Variants in RARB observed in about 807,000 individuals in gnomAD.
The protein encoded by RARB is HBV-activated protein.
In RARB, 17 loss-of-function variants were observed where a neutral mutation model predicts 51.9. The ratio of observed to expected loss-of-function variants is 0.33; its 90% CI spans 0.22 to 0.49. The LOEUF (loss-of-function observed/expected upper bound fraction) is 0.49, where lower values mean the gene tolerates loss of function less well. RARB is among the 20% of genes least tolerant of loss of function. RARB has a pLI of 0.99. For missense variants in RARB, 369 were observed against 550.8 expected, an observed-to-expected ratio of 0.67 and a Z score of 3.30; for synonymous variants, 215 against 195.4, an observed-to-expected ratio of 1.10 and a Z score of -0.84.
chr3:25,206,114 T>C (rs926771173), intron 5 of RARB, among the ~76,000 whole-genome samples: 1 of 152,208 alleles, frequency 6.6e-6, no homozygotes, highest in Admixed American at 6.5e-5. Flanking sequence ...AACCTCATCA[T>C]AAGTCAAGGA....
Position 25,454,327 on chromosome 3 carries a change from A to G in RARB, c.158-6866A>G, listed in dbSNP as rs545209576. Among the ~76,000 whole-genome samples the G allele has an allele frequency of 1.1e-3, 161 of 152,360 alleles. 1 individual carries two copies. The highest frequency in any genetic ancestry group is 0.01 in the Middle Eastern group (3 of 294). On this transcript the variant is annotated intron_variant, in intron 1 of 7. Coordinates refer to ENST00000330688, the MANE Select transcript of RARB (RefSeq NM_000965.5). ...CACAGAAAAAGGGAGAAAAAAATCC[A>G]GATAGGCTCTCTTTGGTGCCAACAC... is the stretch of plus-strand genomic sequence containing the variant.
intron 2 of RARB, among the ~76,000 whole-genome samples, chr3:24,907,096 C>T (rs1426067706): frequency 6.6e-6 from 1 of 152,062 alleles, no homozygotes; most frequent in African/African-American, 2.4e-5. Flanking sequence ...GGAGCACCCC[C>T]CATGTGATAG....
At chr3:25,006,020 C>A (rs1697264952) in intron 2 of RARB, among the ~76,000 whole-genome samples, 1 of 152,114 alleles carries the variant, frequency 6.6e-6, no homozygotes, top group South Asian at 2.1e-4. Flanking sequence ...CACCTCAGGG[C>A]TTTTGCACTC....
At chr3:25,089,422 T>C (rs1353600437) in intron 3 of RARB, among the ~76,000 whole-genome samples, 1 of 152,016 alleles carries the variant, frequency 6.6e-6, no homozygotes, top group East Asian at 1.9e-4. Flanking sequence ...CCAGCAGGGA[T>C]AAATAAAGGA....
intron 5 of RARB, among the ~76,000 whole-genome samples, chr3:25,200,659 T>C (rs1575214270): frequency 1.3e-5 from 2 of 152,282 alleles, no homozygotes; most frequent in East Asian, 3.9e-4. Context: ...TTTCTACATA[T>C]GGCTAGCCAG....
chr3:25,170,547 A>T (rs997909399), intron 4 of RARB, among the ~76,000 whole-genome samples: 1 of 152,178 alleles, frequency 6.6e-6, no homozygotes, highest in Non-Finnish European at 1.5e-5. Flanking sequence ...TAAAGAAACT[A>T]TTTGACTTTT....
intron 2 of RARB, among the ~76,000 whole-genome samples, chr3:24,986,305 T>C (rs1163494296): frequency 6.6e-6 from 1 of 152,242 alleles, no homozygotes; most frequent in Non-Finnish European, 1.5e-5. Context: ...TTATTATATG[T>C]GTATAAGTAT....
At chr3:24,900,962 A>G (rs531902650) in intron 2 of RARB, among the ~76,000 whole-genome samples, 11 of 152,374 alleles carry the variant, frequency 7.2e-5, no homozygotes, top group African/African-American at 2.6e-4. Flanking sequence ...ATATTGGAAG[A>G]CAATATGGTA....
chr3:25,329,573 G>A (rs1043989212), intron 5 of RARB, among the ~76,000 whole-genome samples: 1 of 152,172 alleles, frequency 6.6e-6, no homozygotes, highest in Non-Finnish European at 1.5e-5. Flanking sequence ...GAGCAGAAAA[G>A]CTGAAAATTC....
intron 2 of RARB, among the ~76,000 whole-genome samples, chr3:24,947,996 G>A (rs1695811248): frequency 6.6e-6 from 1 of 151,812 alleles, no homozygotes; most frequent in Non-Finnish European, 1.5e-5. Flanking sequence ...AGCTCTATGA[G>A]CTCTCTTTGC....
At chr3:25,044,937 T>G (rs1465743041) in intron 2 of RARB, among the ~76,000 whole-genome samples, 1 of 152,190 alleles carries the variant, frequency 6.6e-6, no homozygotes, top group African/African-American at 2.4e-5. Context: ...TCTGACAGTT[T>G]ATAGTTTGAA....
rs138949233 is a variant in RARB at position 24,926,211 on chromosome 3, C to G, written c.-380+67459C>G. ...TAGGATGTTTGTTAGCAGTAAGACA[C>G]TTAATTTACATTAAACATTAGGGGA... On this transcript the variant is annotated intron_variant, in intron 2 of 11. Transcript: ENST00000383772. 2.6e-5 allele frequency among the ~76,000 whole-genome samples: 4 copies of G among 152,138 alleles called. No homozygotes were observed. The East Asian group carries it at 7.7e-4, about 29-fold the overall frequency.
chr3:25,492,404 C>T (rs530189014), intron 2 of RARB, among the ~76,000 whole-genome samples: 3 of 152,186 alleles, frequency 2.0e-5, no homozygotes, highest in African/African-American at 4.8e-5. Flanking sequence ...AAATAAAGAA[C>T]ATTGTGAACT....
At chr3:25,470,233 CA>C (rs1209270187) in intron 2 of RARB, among the ~76,000 whole-genome samples, 2 of 151,476 alleles carry the variant, frequency 1.3e-5, no homozygotes, top group South Asian at 4.2e-4. Flanking sequence ...GGGAGGAAAA[CA>C]AAAAGTTTTT....
chr3:25,091,170 G>T (rs58763127), intron 3 of RARB, among the ~76,000 whole-genome samples: 3 of 152,120 alleles, frequency 2.0e-5, no homozygotes, highest in Non-Finnish European at 4.4e-5. Flanking sequence ...GCAAGCCCAC[G>T]TCAACTGCAA....
intron 5 of RARB, among the ~76,000 whole-genome samples, chr3:25,264,420 A>G (rs951105715): frequency 3.3e-5 from 5 of 152,178 alleles, no homozygotes; most frequent in Admixed American, 6.5e-5. Flanking sequence ...ACCTTGAACA[A>G]TGCCACTTGA....
intron 5 of RARB, among the ~76,000 whole-genome samples, chr3:25,334,833 T>C (rs1019658760): frequency 6.6e-6 from 1 of 152,246 alleles, no homozygotes; most frequent in East Asian, 1.9e-4. Flanking sequence ...ATTATGTATG[T>C]ATATTACTTT....
At chr3:24,853,636 T>C in intron 1 of RARB, among the ~76,000 whole-genome samples, 1 of 152,040 alleles carries the variant, frequency 6.6e-6, no homozygotes, top group East Asian at 1.9e-4. Context: ...TGATTCCACA[T>C]GAGTAAAAAG....
At chr3:25,185,077 G>A (rs1233961411) in intron 5 of RARB, among the ~76,000 whole-genome samples, 1 of 152,030 alleles carries the variant, frequency 6.6e-6, no homozygotes, top group Admixed American at 6.5e-5. Context: ...ATGTGCTTTT[G>A]CACATATTTC....
Sources: allele counts gnomAD v4.1 joint callset (sites outside exome capture counted in the v4.1 genomes callset), GRCh38; gene constraint gnomAD v4.1.1; transcripts MANE v1.5; gene names NCBI Gene and HGNC (gene_info 2026-07-23, HGNC 2026-07-21).